Variants in ESRRB observed in about 807,000 individuals in gnomAD.
The protein encoded by ESRRB is estrogen related receptor beta.
ESRRB carries 16 observed loss-of-function variants against 46.0 expected under a neutral mutation model. That is an observed-to-expected ratio of 0.35 (90% CI 0.24 to 0.53). The LOEUF (loss-of-function observed/expected upper bound fraction) is 0.53, where lower values mean the gene tolerates loss of function less well. Ranked by LOEUF, ESRRB falls within the 20% of genes least tolerant of loss-of-function variation. The probability of loss-of-function intolerance (pLI) is 0.93; values close to 1 mark genes in which losing one functional copy is unlikely to be tolerated. For missense variants in ESRRB, 488 were observed against 607.4 expected, an observed-to-expected ratio of 0.80 and a Z score of 2.07; for synonymous variants, 246 against 259.6, an observed-to-expected ratio of 0.95 and a Z score of 0.50.
intron 1 of ESRRB, among the ~76,000 whole-genome samples, chr14:76,346,515 G>C (rs982175825): frequency 2.6e-5 from 4 of 152,192 alleles, no homozygotes; most frequent in Admixed American, 6.5e-5. Context: ...TTGTCTGCTG[G>C]AGGGACTCCC....
intron 1 of ESRRB, among the ~76,000 whole-genome samples, chr14:76,417,790 C>A (rs1386544567): frequency 6.6e-6 from 1 of 152,072 alleles, no homozygotes; most frequent in Non-Finnish European, 1.5e-5. Flanking sequence ...AAGAACAAGC[C>A]TTCCCAGAGG....
Position 76,501,229 on chromosome 14 carries a change from A to C in ESRRB, c.*2771A>C. ...ATGAACCAAGAAATAAAACATGAAAATCCAACCATGGAGAAGGTGGTATGG... is the reference window on the plus strand; with the variant it reads ...ATGAACCAAGAAATAAAACATGAAACTCCAACCATGGAGAAGGTGGTATGG... On this transcript the variant is annotated 3_prime_UTR_variant, in exon 7 of 7. Coordinates refer to ENST00000644823, the MANE Select transcript of ESRRB (RefSeq NM_001379180.1). The C allele has an allele frequency of 6.4e-6, 1 of 157,222 alleles. No individual in the cohort carries two copies. Among genetic ancestry groups the C allele is most frequent in the Admixed American group, 6.1e-5 (1 of 16,274 alleles). The allele number at this position is 157,222 out of a possible 1,614,324, so 9.7% of individuals were successfully genotyped here.
intron 1 of ESRRB, among the ~76,000 whole-genome samples, chr14:76,348,816 C>T (rs140938026): frequency 7.1e-4 from 108 of 152,284 alleles, no homozygotes; most frequent in Middle Eastern, 3.4e-3. Flanking sequence ...TGATATACCC[C>T]GTGTTGATGC....
intron 1 of ESRRB, among the ~76,000 whole-genome samples, chr14:76,388,725 C>T (rs895394091): frequency 2.6e-5 from 4 of 152,234 alleles, no homozygotes; most frequent in African/African-American, 7.2e-5. Flanking sequence ...CTGACATCAT[C>T]GTCCAAGGGC....
intron 5 of ESRRB, among the ~76,000 whole-genome samples, chr14:76,484,210 C>T (rs957003514): frequency 1.3e-5 from 2 of 152,330 alleles, no homozygotes; most frequent in East Asian, 1.9e-4. Flanking sequence ...TGAGACCTTA[C>T]ATGCCCAAGT....
At chr14:76,441,653 T>C (rs1208763700) in intron 2 of ESRRB, among the ~76,000 whole-genome samples, 1 of 152,184 alleles carries the variant, frequency 6.6e-6, no homozygotes, top group Non-Finnish European at 1.5e-5. Flanking sequence ...AGGCCCTGGG[T>C]AGAGCACTTT....
At chr14:76,336,966 G>T (rs534597932) in intron 1 of ESRRB, among the ~76,000 whole-genome samples, 2 of 152,178 alleles carry the variant, frequency 1.3e-5, no homozygotes, top group African/African-American at 4.8e-5. Context: ...GATCTCCACC[G>T]CCCTTCACTA....
At chr14:76,466,511 A>C (rs1259710237) in intron 3 of ESRRB, among the ~76,000 whole-genome samples, 1 of 152,018 alleles carries the variant, frequency 6.6e-6, no homozygotes, top group Non-Finnish European at 1.5e-5. Context: ...CGTCCCTGTG[A>C]CTTTCTCCCT....
intron 3 of ESRRB, 26 bp from the exon 4 acceptor site, chr14:76,481,990 G>T: frequency 6.2e-7 from 1 of 1,604,550 alleles, no homozygotes; most frequent in East Asian, 2.2e-5. Flanking sequence ...CAACTGCTGA[G>T]ATCTTTTCCC....
chr14:76,453,273 T>C (rs1198847571), intron 2 of ESRRB, among the ~76,000 whole-genome samples: 1 of 152,236 alleles, frequency 6.6e-6, no homozygotes, highest in Middle Eastern at 3.2e-3. Context: ...TTTCTCCAAG[T>C]AACATCTCTG....
chr14:76,479,823 A>G (rs76419171), intron 3 of ESRRB, among the ~76,000 whole-genome samples: 2,866 of 152,252 alleles, frequency 0.019, 38 homozygotes, highest in Admixed American at 0.042. Context: ...GAGGGGTGGG[A>G]CACAGACTTC....
At position 76,482,909 on chromosome 14, in the gene ESRRB, C is replaced by T; in HGVS notation, c.850+150C>T. On this transcript the variant is annotated intron_variant, in intron 5 of 6. Transcript: ENST00000644823. The surrounding 1 kb of genome is among the most constrained non-coding windows in gnomAD (Gnocchi z 4.3). ...AGGCCTGTTTCTCTGAGCTCCTCTT[C>T]TCTCCTTGTAGCATTGGAGAGGAAC... 2.2e-6 allele frequency: 2 copies of T among 898,368 alleles called. No homozygotes were observed. The highest frequency in any genetic ancestry group is 2.9e-5 in the South Asian group (2 of 68,398). 55.6% of individuals were successfully genotyped at this position (898,368 alleles called of 1,614,324 possible).
chr14:76,370,586 A>G (rs1884599311), upstream of ESRRB, among the ~76,000 whole-genome samples: 1 of 152,184 alleles, frequency 6.6e-6, no homozygotes. Context: ...CTTAGCTACC[A>G]GGTACTATCG....
chr14:76,414,668 TAAAAA>T (rs71452810), intron 1 of ESRRB, among the ~76,000 whole-genome samples: 5,025 of 116,812 alleles, frequency 0.043, 127 homozygotes, highest in Non-Finnish European at 0.065. Flanking sequence ...GTTTGTTCCT[TAAAAA>T]AAAAAAAAAA....
chr14:76,415,130 G>C (rs1886642248), intron 1 of ESRRB, among the ~76,000 whole-genome samples: 1 of 152,134 alleles, frequency 6.6e-6, no homozygotes, highest in African/African-American at 2.4e-5. Flanking sequence ...GGGTGGGGTT[G>C]GGGACTGGCA....
At chr14:76,385,213 G>GAAA (rs35021819) in intron 1 of ESRRB, among the ~76,000 whole-genome samples, 1 of 129,168 alleles carries the variant, frequency 7.7e-6, no homozygotes, top group African/African-American at 3.1e-5. Flanking sequence ...TTTTCCTCAG[G>GAAA]AAAAAAAAAA....
At chr14:76,490,028 C>G (rs562538667) in intron 5 of ESRRB, among the ~76,000 whole-genome samples, 12 of 152,204 alleles carry the variant, frequency 7.9e-5, no homozygotes, top group African/African-American at 2.7e-4. Context: ...CCCACAGCAC[C>G]CCACATCAGA....
chr14:76,321,183 C>T (rs1228045826), intron 1 of ESRRB, among the ~76,000 whole-genome samples: 1 of 152,114 alleles, frequency 6.6e-6, no homozygotes, highest in African/African-American at 2.4e-5. Context: ...TCCATTTTTG[C>T]CTTTGCCATT....
chr14:76,489,496 C>T (rs1478067570), intron 5 of ESRRB, among the ~76,000 whole-genome samples: 2 of 144,520 alleles, frequency 1.4e-5, no homozygotes, highest in Admixed American at 1.4e-4. Flanking sequence ...TCCCCTGTCA[C>T]AGCCTCTCCC....
Sources: gnomAD v4.1 joint callset for allele counts (sites outside exome capture counted in the v4.1 genomes callset) on GRCh38, gnomAD v4.1.1 for gene constraint, Gnocchi (gnomAD v3.1) non-coding constraint, MANE v1.5 for transcripts, NCBI Gene and HGNC (gene_info 2026-07-23, HGNC 2026-07-21) for gene names.